The following RGS5 variants were observed in gnomAD, a reference collection of about 807,000 sequenced individuals.
RGS5 encodes the protein regulator of G protein signaling 5.
RGS5 carries 20 observed loss-of-function variants against 18.9 expected under a neutral mutation model. The ratio of observed to expected loss-of-function variants is 1.06; its 90% CI spans 0.74 to 1.54. The LOEUF (loss-of-function observed/expected upper bound fraction) is 1.54. RGS5 is among the 40% of genes most tolerant of loss of function. RGS5 has a pLI of 0.00. For synonymous variants in RGS5, 57 were observed against 76.2 expected (o/e 0.75, Z 1.31); for missense variants, 201 against 211.8 (o/e 0.95, Z 0.32).
At chr1:163,301,477 T>G (rs919093380) in intron 2 of RGS5, among the ~76,000 whole-genome samples, 7 of 152,100 alleles carry the variant, frequency 4.6e-5, no homozygotes, top group African/African-American at 1.7e-4. Flanking sequence ...GAACTACGGG[T>G]GTGTGCCACC....
chr1:163,275,723 A>G (rs903671948), intron 2 of RGS5, among the ~76,000 whole-genome samples: 47 of 152,214 alleles, frequency 3.1e-4, no homozygotes, highest in African/African-American at 1.0e-3. Context: ...TAATCTCCCT[A>G]CATCATGGCA....
chr1:163,301,263 GAC>G (rs1297854465), intron 2 of RGS5, among the ~76,000 whole-genome samples: 1 of 151,840 alleles, frequency 6.6e-6, no homozygotes, highest in African/African-American at 2.4e-5. Context: ...AATGGACAAA[GAC>G]ACAAACTGAG....
intron 1 of RGS5, among the ~76,000 whole-genome samples, chr1:163,192,625 C>G (rs1382854720): frequency 6.6e-6 from 1 of 152,154 alleles, no homozygotes; most frequent in Admixed American, 6.5e-5. Context: ...CATCTTTTAT[C>G]CAAGTCATAA....
chr1:163,296,177 G>A (rs1418921344), intron 2 of RGS5, among the ~76,000 whole-genome samples: 1 of 152,098 alleles, frequency 6.6e-6, no homozygotes, highest in Non-Finnish European at 1.5e-5. Context: ...GACTTATTTT[G>A]TAAACTATTC....
At chr1:163,299,503 C>T (rs983069408) in intron 2 of RGS5, among the ~76,000 whole-genome samples, 9 of 152,170 alleles carry the variant, frequency 5.9e-5, no homozygotes, top group Non-Finnish European at 1.2e-4. Flanking sequence ...CCCTTAATGT[C>T]TGAATCTGAG....
chr1:163,291,287 G>GT (rs1649280948), intron 2 of RGS5, among the ~76,000 whole-genome samples: 1 of 152,138 alleles, frequency 6.6e-6, no homozygotes, highest in Non-Finnish European at 1.5e-5. Context: ...GGGCAGGGGG[G>GT]TATCTATCTA....
intron 1 of RGS5, chr1:163,172,646 A>C: frequency 6.5e-7 from 1 of 1,544,516 alleles, no homozygotes; most frequent in Non-Finnish European, 8.7e-7. Context: ...ACTTCTTTCT[A>C]TGGCTTCAGT....
intron 4 of RGS5, among the ~76,000 whole-genome samples, chr1:163,150,305 C>T (rs775702478): frequency 3.3e-5 from 5 of 152,114 alleles, no homozygotes; most frequent in African/African-American, 4.8e-5. Context: ...AGGTTAATGT[C>T]TCATATTTTC....
In RGS5 at chr1:163,311,001, G is replaced by A. The variant is rs1649843764; in HGVS notation, c.-377-4672C>T. 2.6e-5 allele frequency among the ~76,000 whole-genome samples: 4 copies of A among 152,238 alleles called. No individual in the cohort carries two copies. The South Asian group carries it at 8.3e-4, about 32-fold the overall frequency. On this transcript the variant is annotated intron_variant, in intron 1 of 5. Coordinates refer to the RGS5 transcript ENST00000618415. ...ACTCAATATCACAAGAACAGAAGGG[G>A]GGAAATCACCCCATAATCCAATTAC...
intron 1 of RGS5, among the ~76,000 whole-genome samples, chr1:163,186,148 T>A (rs974346218): frequency 6.6e-6 from 1 of 151,358 alleles, no homozygotes; most frequent in Non-Finnish European, 1.5e-5. Context: ...CTTGGCTCAT[T>A]GCAACCTCTA....
chr1:163,180,843 C>T (rs1054003897), intron 1 of RGS5, among the ~76,000 whole-genome samples: 2 of 151,510 alleles, frequency 1.3e-5, no homozygotes, highest in African/African-American at 4.9e-5. Flanking sequence ...TACAGGTGCC[C>T]GTCACTACGC....
At chr1:163,253,912 G>C (rs1648192531) in intron 2 of RGS5, among the ~76,000 whole-genome samples, 1 of 149,614 alleles carries the variant, frequency 6.7e-6, no homozygotes, top group African/African-American at 2.5e-5. Context: ...TTAGTTTTTT[G>C]TTCTTGCGAT....
chr1:163,292,154 A>C (rs138629776), intron 2 of RGS5, among the ~76,000 whole-genome samples: 1 of 152,090 alleles, frequency 6.6e-6, no homozygotes, highest in Non-Finnish European at 1.5e-5. Flanking sequence ...ACTCTACCTT[A>C]TCTTCTCTCT....
At chr1:163,236,118 A>G (rs1647614795) in intron 2 of RGS5, among the ~76,000 whole-genome samples, 1 of 152,154 alleles carries the variant, frequency 6.6e-6, no homozygotes, top group East Asian at 1.9e-4. Flanking sequence ...GGGGCCCTTC[A>G]TATTTCTTCT....
chr1:163,243,388 C>T (rs1231297588), intron 2 of RGS5, among the ~76,000 whole-genome samples: 1 of 152,100 alleles, frequency 6.6e-6, no homozygotes. Flanking sequence ...TGGCTCACAT[C>T]TGTAATCCCA....
chr1:163,240,582 T>C (rs1047891400), intron 2 of RGS5, among the ~76,000 whole-genome samples: 1 of 152,126 alleles, frequency 6.6e-6, no homozygotes, highest in Admixed American at 6.5e-5. Context: ...AGAGTTGTGA[T>C]CACAGCTCAC....
At chr1:163,184,923 A>C (rs1440017070) in intron 1 of RGS5, among the ~76,000 whole-genome samples, 1 of 152,216 alleles carries the variant, frequency 6.6e-6, no homozygotes, top group Non-Finnish European at 1.5e-5. Flanking sequence ...CTGTTATAGC[A>C]GCAAATACGA....
intron 1 of RGS5, among the ~76,000 whole-genome samples, chr1:163,194,890 T>C (rs867990760): frequency 2.6e-5 from 4 of 152,208 alleles, no homozygotes; most frequent in Admixed American, 2.6e-4. Context: ...AGACTTGATA[T>C]GTTTTGTAAG....
intron 1 of RGS5, among the ~76,000 whole-genome samples, chr1:163,198,226 A>G (rs1659644718): frequency 6.6e-6 from 1 of 152,130 alleles, no homozygotes; most frequent in Non-Finnish European, 1.5e-5. Flanking sequence ...TACCTTTCCC[A>G]TTTACTTCCT....
Sources: allele counts gnomAD v4.1 joint callset (sites outside exome capture counted in the v4.1 genomes callset), GRCh38; gene constraint gnomAD v4.1.1; transcripts MANE v1.5; gene names NCBI Gene and HGNC (gene_info 2026-07-23, HGNC 2026-07-21).